The following THADA variants were observed in gnomAD, a reference collection of about 807,000 sequenced individuals.
THADA encodes the protein tRNA (32-2'-O)-methyltransferase regulator THADA.
A neutral mutation model predicts 219.8 loss-of-function variants in THADA; 213 were observed. The observed-to-expected ratio is 0.97, with a 90% CI of 0.87 to 1.09. The LOEUF (loss-of-function observed/expected upper bound fraction) is 1.09, where lower values mean the gene tolerates loss of function less well. Among genes scored for constraint, THADA ranks in the 50% least tolerant of loss-of-function variants. The pLI is 0.00. For missense variants in THADA, 2,956 were observed against 2,311.3 expected, an observed-to-expected ratio of 1.28 and a Z score of -5.72; for synonymous variants, 1,018 against 828.9, an observed-to-expected ratio of 1.23 and a Z score of -3.92.
At chr2:43,242,218 T>A (rs998805770) in intron 36 of THADA, among the ~76,000 whole-genome samples, 1 of 152,356 alleles carries the variant, frequency 6.6e-6, no homozygotes, top group East Asian at 1.9e-4. Context: ...AAACCAACAC[T>A]GGGTACTGCC....
chr2:43,279,862 G>A lies in THADA; in HGVS notation c.5199C>T (p.Val1733=), dbSNP rs1227150033. 1 of 1,567,416 alleles carries A rather than the reference G, an allele frequency of 6.4e-7. No individual in the cohort carries two copies. Among genetic ancestry groups the A allele is most frequent in the South Asian group, 1.2e-5 (1 of 83,038 alleles). The change falls in exon 36 of 38, where the codon GTC becomes GTT. Residue 1733 remains valine, a synonymous_variant. Transcript: ENST00000405975. The part of the protein sequence containing the change: ...LQDTLALWKC[V]LTLLQSEEQA... ...GCTCCTCACTCTGCAGAAGGGTAAG[G>A]ACACACTTCCAGAGAGCAAGTGTAT...
At chr2:43,325,028 T>A (rs1003182470) in intron 30 of THADA, among the ~76,000 whole-genome samples, 9 of 152,364 alleles carry the variant, frequency 5.9e-5, no homozygotes, top group Non-Finnish European at 8.8e-5. Context: ...TTAAGAATCC[T>A]GTTTTCTTCC....
chr2:43,384,905 C>T (rs112951027), intron 29 of THADA, among the ~76,000 whole-genome samples: 3 of 152,060 alleles, frequency 2.0e-5, no homozygotes, highest in Non-Finnish European at 2.9e-5. Flanking sequence ...TTTGGGAGGC[C>T]GAAGACATGC....
At chr2:43,368,051 G>C (rs1318359134) in intron 29 of THADA, among the ~76,000 whole-genome samples, 1 of 152,162 alleles carries the variant, frequency 6.6e-6, no homozygotes, top group Admixed American at 6.5e-5. Context: ...CCGGGACGCA[G>C]AGGTTGCAGT....
intron 36 of THADA, among the ~76,000 whole-genome samples, chr2:43,275,445 T>C (rs1010081925): frequency 2.7e-4 from 41 of 152,112 alleles, no homozygotes; most frequent in African/African-American, 9.4e-4. Flanking sequence ...CTGAGGGAAG[T>C]CCAGAAAGCC....
At chr2:43,567,613 C>T (rs555229206) in intron 14 of THADA, among the ~76,000 whole-genome samples, 7 of 152,082 alleles carry the variant, frequency 4.6e-5, no homozygotes, top group South Asian at 4.2e-4. Flanking sequence ...GGCGAAAGAG[C>T]GAAACTCCCT....
intron 31 of THADA, among the ~76,000 whole-genome samples, chr2:43,311,033 A>C (rs1271386816): frequency 6.6e-6 from 1 of 152,066 alleles, no homozygotes; most frequent in Non-Finnish European, 1.5e-5. Context: ...AAAATTAGCC[A>C]GGTGTGGTGG....
rs1690967537 is a variant in THADA, at chr2:43,514,600, T to TAG, written c.3375-5821_3375-5820insCT. 4.0e-5 allele frequency among the ~76,000 whole-genome samples: 4 copies of TAG among 99,484 alleles called. No individual in the cohort carries two copies. In the South Asian group the frequency reaches 8.1e-4, roughly 20 times the overall value. The allele number at this position is 99,484 out of a possible 152,430, so 65.3% of individuals were successfully genotyped here. On this transcript the variant is annotated intron_variant, in intron 22 of 37. Transcript: ENST00000405975. ...TATGTATATTTTATATATGTATATT[T>TAG]TATATATATTTTATATATTTTATAT...
At chr2:43,436,014 T>C (rs1680057896) in intron 26 of THADA, among the ~76,000 whole-genome samples, 1 of 152,060 alleles carries the variant, frequency 6.6e-6, no homozygotes, top group African/African-American at 2.4e-5. Context: ...ACCTGGATTC[T>C]CTTAAAAGGA....
intron 30 of THADA, among the ~76,000 whole-genome samples, chr2:43,332,832 G>C (rs899647503): frequency 8.5e-5 from 13 of 152,186 alleles, no homozygotes; most frequent in African/African-American, 3.1e-4. Flanking sequence ...GGTTAGGTTT[G>C]CAGATTTCTA....
rs1342340372 is a variant in THADA, at chr2:43,231,240, T to A, written c.5570A>T (p.Lys1857Met). ...AGGGCTTGGGGGACGCCAGCCGGACTTTGAGAGGAGACAGAAGAGGTGCTT... is the reference window on the plus strand; with the variant it reads ...AGGGCTTGGGGGACGCCAGCCGGACATTGAGAGGAGACAGAAGAGGTGCTT... ...LCKHLFCLLS[K>M]SGWRPPSPEM... The change falls in exon 38 of 38, where the codon AAG becomes ATG. Residue 1857 changes from lysine to methionine, a missense_variant. Physicochemically the swap from Lys to Met is moderately conservative, Grantham distance 95. Transcript: ENST00000405975. 5.0e-6 allele frequency: 8 copies of A among 1,613,632 alleles called. No individual in the cohort carries two copies. The highest frequency in any genetic ancestry group is 6.8e-6 in the Non-Finnish European group (8 of 1,179,798).
intron 36 of THADA, among the ~76,000 whole-genome samples, chr2:43,239,277 C>T: frequency 6.6e-6 from 1 of 152,356 alleles, no homozygotes; most frequent in Admixed American, 6.5e-5. Context: ...CCATCCAAGG[C>T]AGATGCCTAG....
chr2:43,502,562 G>C (rs2105074624), intron 24 of THADA, among the ~76,000 whole-genome samples: 2 of 141,246 alleles, frequency 1.4e-5, no homozygotes, highest in Middle Eastern at 8.1e-3. Context: ...TCCAGCCTAG[G>C]CCACAGAGTG....
chr2:43,514,970 TA>T (rs1193001552), intron 22 of THADA, among the ~76,000 whole-genome samples: 15 of 73,980 alleles, frequency 2.0e-4, no homozygotes, highest in African/African-American at 8.4e-4. Flanking sequence ...ATTTTATATA[TA>T]ATATATAACA....
rs1305325207 is a variant in THADA, at chr2:43,514,936, TATATTTTATATATAATATATA to T, written c.3375-6177_3375-6157del. 1.2e-3 allele frequency among the ~76,000 whole-genome samples: 93 copies of T among 78,234 alleles called. 2 individuals are homozygous for T. The highest frequency in any genetic ancestry group is 1.8e-3 in the Non-Finnish European group (81 of 46,120). The allele number at this position is 78,234 out of a possible 152,430, so 51.3% of individuals were successfully genotyped here. A position where few individuals can be genotyped will look rare whatever the true frequency, so the allele number is the denominator to read the frequency against. ...TTTTATGTATAATATATATTTTACG[TATATTTTATATATAATATATA>T]ATATTTTATATATAATATATAACAT... On this transcript the variant is annotated intron_variant, in intron 22 of 37. Coordinates refer to ENST00000405975, the MANE Select transcript of THADA (RefSeq NM_022065.5).
chr2:43,397,989 A>T lies in THADA; in HGVS notation c.4209T>A (p.Ile1403=). 6.2e-7 allele frequency: 1 copy of T among 1,613,898 alleles called. No individual in the cohort carries two copies. Among genetic ancestry groups the T allele is most frequent in the Non-Finnish European group, 8.5e-7 (1 of 1,179,806 alleles). ...CTDQCFRQNH[I]HGTLLQVFHL... is the part of the protein sequence containing the mutation. ...TACTTACCTGGAGAAGTGTCCCATG[A>T]ATGTGGTTTTGCCGGAAACACTGGT... Residue 1403 remains isoleucine, a synonymous_variant, in exon 29 of 38, where the codon ATT becomes ATA. Transcript: ENST00000405975.
At chr2:43,455,711 G>A (rs1217554383) in intron 26 of THADA, among the ~76,000 whole-genome samples, 1 of 152,166 alleles carries the variant, frequency 6.6e-6, no homozygotes, top group African/African-American at 2.4e-5. Flanking sequence ...GGATAGGTTA[G>A]GTTCTGGCTT....
At chr2:43,420,624 G>T (rs1259676674) in intron 28 of THADA, among the ~76,000 whole-genome samples, 1 of 152,134 alleles carries the variant, frequency 6.6e-6, no homozygotes, top group Non-Finnish European at 1.5e-5. Context: ...TTTCTAGTTT[G>T]CTTTGTCAAT....
intron 20 of THADA, among the ~76,000 whole-genome samples, chr2:43,548,170 C>T (rs111884754): frequency 2.0e-5 from 3 of 152,164 alleles, no homozygotes; most frequent in Non-Finnish European, 4.4e-5. Context: ...GCGGTGGCTG[C>T]AGAACAGCGG....
Sources: allele counts gnomAD v4.1 joint callset (sites outside exome capture counted in the v4.1 genomes callset), GRCh38; gene constraint gnomAD v4.1.1; transcripts MANE v1.5; gene names NCBI Gene and HGNC (gene_info 2026-07-23, HGNC 2026-07-21).